BACE2: variants seen among roughly 807,000 people sequenced by gnomAD.
BACE2 encodes the protein beta-secretase 2, also known as 56 kDa aspartic-like protease.
In BACE2, 17 loss-of-function variants were observed where a neutral mutation model predicts 46.2. The ratio of observed to expected loss-of-function variants is 0.37; its 90% CI spans 0.25 to 0.55. BACE2 has a LOEUF of 0.55. BACE2 is among the 20% of genes least tolerant of loss of function. The pLI is 0.82. For synonymous variants in BACE2, 277 were observed against 295.9 expected, an observed-to-expected ratio of 0.94 and a Z score of 0.66; for missense variants, 595 against 698.1, an observed-to-expected ratio of 0.85 and a Z score of 1.66.
chr21:41,176,737 G>A (rs1311811403), intron 1 of BACE2: 3 of 152,134 alleles, frequency 2.0e-5, no homozygotes, highest in African/African-American at 4.8e-5. Context: ...ATTCTGAGGC[G>A]GTGCTGCTGA....
intron 2 of BACE2, among the ~76,000 whole-genome samples, chr21:41,233,171 T>G (rs566879648): frequency 6.6e-6 from 1 of 152,308 alleles, no homozygotes; most frequent in Admixed American, 6.5e-5. Flanking sequence ...TAATAACTCA[T>G]AGCCTGAAAA....
Position 41,219,061 on chromosome 21 carries a change from C to T in BACE2, c.313-7205C>T, listed in dbSNP as rs1451196864. On this transcript the variant is annotated intron_variant, in intron 1 of 8. Coordinates refer to ENST00000330333, the MANE Select transcript of BACE2 (RefSeq NM_012105.5). ...TATTTTTAGTAGAGACGGGGTTTCA[C>T]TGTGTTAGCCAGGATGGTCTGGATC... Among the ~76,000 whole-genome samples the T allele has an allele frequency of 3.9e-5, 6 of 152,152 alleles. No individual in the cohort carries two copies. The East Asian group carries it at 9.6e-4, about 24-fold the overall frequency.
chr21:41,275,383 C>T lies in BACE2; in HGVS notation c.1316C>T (p.Ala439Val), dbSNP rs755996932. 6.2e-7 allele frequency: 1 copy of T among 1,614,176 alleles called. No individual in the cohort carries two copies. The highest frequency in any genetic ancestry group is 2.2e-5 in the East Asian group (1 of 44,884). Residue 439 changes from alanine to valine, a missense_variant, in exon 9 of 9, where the codon GCT (alanine) becomes GTT (valine). Coordinates refer to ENST00000330333, the MANE Select transcript of BACE2 (RefSeq NM_012105.5). ...TCTGTCTCCCCAGAAATTGCAGGTG[C>T]TGCAGTGTCTGAAATTTCCGGGCCT... ...AASPCAEIAG[A>V]AVSEISGPFS...
At chr21:41,183,904 C>T (rs1985247386) in intron 1 of BACE2, 1 of 167,028 alleles carries the variant, frequency 6.0e-6, no homozygotes, top group Non-Finnish European at 1.5e-5. Flanking sequence ...GCAAGTCAGG[C>T]ATCAAGTCTT....
intron 1 of BACE2, among the ~76,000 whole-genome samples, chr21:41,202,325 T>G (rs975689499): frequency 6.6e-6 from 1 of 152,192 alleles, no homozygotes; most frequent in South Asian, 2.1e-4. Context: ...CGACCAATGC[T>G]TGGAGGATTT....
intron 1 of BACE2, among the ~76,000 whole-genome samples, chr21:41,192,749 C>A (rs191155765): frequency 1.2e-4 from 18 of 152,334 alleles, no homozygotes; most frequent in Non-Finnish European, 1.9e-4. Flanking sequence ...GCAGAGCCTT[C>A]TCCTGTTCTG....
chr21:41,257,941 G>A (rs1408865369), intron 8 of BACE2, among the ~76,000 whole-genome samples: 1 of 152,186 alleles, frequency 6.6e-6, no homozygotes, highest in Non-Finnish European at 1.5e-5. Flanking sequence ...AGACTTCACG[G>A]TTTGCTTGAA....
chr21:41,213,689 G>T (rs1296334667), intron 1 of BACE2, among the ~76,000 whole-genome samples: 1 of 151,992 alleles, frequency 6.6e-6, no homozygotes, highest in East Asian at 1.9e-4. Context: ...CAGGAGAGTC[G>T]CTTGAACCCG....
intron 6 of BACE2, 61 bp from the exon 7 acceptor site, chr21:41,250,691 G>A (rs1987610945): frequency 6.5e-7 from 1 of 1,540,990 alleles, no homozygotes; most frequent in African/African-American, 1.4e-5. Flanking sequence ...AAAGCCTGGA[G>A]CTGTTTCCTG....
At chr21:41,265,005 C>G (rs759262644) in intron 8 of BACE2, among the ~76,000 whole-genome samples, 1 of 152,062 alleles carries the variant, frequency 6.6e-6, no homozygotes, top group Admixed American at 6.6e-5. Flanking sequence ...ATAAATATGC[C>G]AGTTAACTTT....
intron 1 of BACE2, among the ~76,000 whole-genome samples, chr21:41,198,596 A>G (rs1232478076): frequency 1.3e-5 from 2 of 152,220 alleles, no homozygotes; most frequent in African/African-American, 4.8e-5. Flanking sequence ...CATAAATATC[A>G]GCTTCCAACA....
At position 41,221,347 on chromosome 21, in the gene BACE2, A is replaced by C. The variant is rs118015626; in HGVS notation, c.313-4919A>C. ...ATGGCACTTAGTACATTAGGGAAGT[A>C]GGAGTCTGACAGTTTCTGCCAACAG... is the stretch of plus-strand genomic sequence containing the variant. On this transcript the variant is annotated intron_variant, in intron 1 of 8. Transcript: ENST00000330333. Among the ~76,000 whole-genome samples the C allele has an allele frequency of 2.0e-4, 30 of 152,338 alleles. No homozygotes were observed. The East Asian group carries it at 4.4e-3, about 23-fold the overall frequency.
Position 41,196,246 on chromosome 21 carries a change from C to T in BACE2, c.312+27671C>T, listed in dbSNP as rs372836533. On this transcript the variant is annotated intron_variant, in intron 1 of 8. Coordinates refer to ENST00000330333, the MANE Select transcript of BACE2 (RefSeq NM_012105.5). The stretch of plus-strand genomic sequence containing the variant: ...CTGGGAGGCAGAGGTTTCAGTGAGC[C>T]GAGATTGCACCAATGCACTCCAGCC... Among the ~76,000 whole-genome samples the T allele has an allele frequency of 1.3e-4, 19 of 151,346 alleles. No homozygotes were observed. In the South Asian group the frequency reaches 1.3e-3, roughly 10 times the overall value.
chr21:41,182,620 T>C (rs1245128447), intron 1 of BACE2: 1 of 167,120 alleles, frequency 6.0e-6, no homozygotes, highest in Non-Finnish European at 1.5e-5. Context: ...TACAACCCCA[T>C]TTCCTGGCTT....
chr21:41,196,661 G>C (rs941284389), intron 1 of BACE2, among the ~76,000 whole-genome samples: 2 of 152,204 alleles, frequency 1.3e-5, no homozygotes, highest in Non-Finnish European at 2.9e-5. Context: ...CAGGACAAAG[G>C]TCTCCAAAGT....
At chr21:41,256,092 T>C (rs937584264) in intron 7 of BACE2, among the ~76,000 whole-genome samples, 4 of 152,264 alleles carry the variant, frequency 2.6e-5, no homozygotes, top group African/African-American at 9.6e-5. Flanking sequence ...TTGTTTTTTT[T>C]TGTTTAATAC....
intron 1 of BACE2, chr21:41,181,181 A>G (rs898698733): frequency 1.8e-5 from 3 of 167,116 alleles, no homozygotes; most frequent in African/African-American, 7.2e-5. Flanking sequence ...TACAAGGGAA[A>G]GCTATTCCTT....
Position 41,209,544 on chromosome 21 carries a change from C to T in BACE2, c.313-16722C>T, listed in dbSNP as rs576332242. Among the ~76,000 whole-genome samples the T allele has an allele frequency of 1.1e-4, 17 of 152,320 alleles. 1 individual carries two copies. In the South Asian group the frequency reaches 1.5e-3, roughly 13 times the overall value. On this transcript the variant is annotated intron_variant, in intron 1 of 8. Transcript: ENST00000330333. Reference sequence around the variant, plus strand: ...ATGTATTTGAGAAACAGCCCTGTAACGAGAAAAAGCCGCACTACCCCTCTT... The same window carrying T: ...ATGTATTTGAGAAACAGCCCTGTAATGAGAAAAAGCCGCACTACCCCTCTT...
At chr21:41,169,750 AG>A (rs1055606879) in intron 1 of BACE2, among the ~76,000 whole-genome samples, 6 of 152,178 alleles carry the variant, frequency 3.9e-5, no homozygotes, top group Admixed American at 6.5e-5. Context: ...TAATTAGTTT[AG>A]GGGGAAAAAA....
Sources: gnomAD v4.1 joint callset for allele counts (sites outside exome capture counted in the v4.1 genomes callset) on GRCh38, gnomAD v4.1.1 for gene constraint, MANE v1.5 for transcripts, NCBI Gene and HGNC (gene_info 2026-07-23, HGNC 2026-07-21) for gene names.